Variants in SORBS2 observed in about 807,000 individuals in gnomAD.
SORBS2 encodes sorbin and SH3 domain containing 2.
A neutral mutation model predicts 97.7 loss-of-function variants in SORBS2; 46 were observed. That is an observed-to-expected ratio of 0.47 (90% CI 0.37 to 0.60). The LOEUF (loss-of-function observed/expected upper bound fraction) is 0.60. Ranked by LOEUF, SORBS2 falls within the 20% of genes least tolerant of loss-of-function variation. The pLI is 0.00. For missense variants in SORBS2, 1,316 were observed against 1,282.3 expected, an observed-to-expected ratio of 1.03 and a Z score of -0.40; for synonymous variants, 476 against 473.4, an observed-to-expected ratio of 1.01 and a Z score of -0.07.
intron 1 of SORBS2, among the ~76,000 whole-genome samples, chr4:185,878,583 G>T (rs1049189615): frequency 6.6e-6 from 1 of 152,018 alleles, no homozygotes; most frequent in Admixed American, 6.6e-5. Context: ...TAGAACGATC[G>T]CCCATCACCT....
chr4:185,867,029 T>C (rs1404660859), intron 1 of SORBS2, among the ~76,000 whole-genome samples: 1 of 152,196 alleles, frequency 6.6e-6, no homozygotes, highest in Non-Finnish European at 1.5e-5. Context: ...TTATTTATTT[T>C]GAGATGGAGT....
At chr4:185,744,536 ATCT>A (rs1202174259) in intron 2 of SORBS2, among the ~76,000 whole-genome samples, 4 of 152,242 alleles carry the variant, frequency 2.6e-5, no homozygotes, top group Non-Finnish European at 5.9e-5. Context: ...CAGATCATTA[ATCT>A]TCTTTAGCTC....
chr4:185,743,950 C>T (rs1192991015), intron 2 of SORBS2, among the ~76,000 whole-genome samples: 1 of 147,600 alleles, frequency 6.8e-6, no homozygotes. Context: ...TTCTCCTCCT[C>T]CTTCTTCTCC....
intron 1 of SORBS2, among the ~76,000 whole-genome samples, chr4:185,826,324 T>C (rs928580929): frequency 6.6e-6 from 1 of 152,206 alleles, no homozygotes; most frequent in Non-Finnish European, 1.5e-5. Flanking sequence ...GAGGTGCCTA[T>C]GCTCATCGAC....
intron 1 of SORBS2, among the ~76,000 whole-genome samples, chr4:185,784,809 T>C (rs58429949): frequency 0.039 from 5,966 of 152,320 alleles, 399 homozygotes; most frequent in African/African-American, 0.13. Context: ...CTTACAACAG[T>C]TGTGGCATTA....
At chr4:185,645,396 AT>A (rs150255496) in intron 4 of SORBS2, among the ~76,000 whole-genome samples, 186 of 150,658 alleles carry the variant, frequency 1.2e-3, no homozygotes, top group Non-Finnish European at 1.9e-3. Context: ...CAAATCAGTG[AT>A]TTTTTTTTTC....
chr4:185,616,659 G>A (rs1211745858), intron 9 of SORBS2, among the ~76,000 whole-genome samples: 1 of 152,202 alleles, frequency 6.6e-6, no homozygotes, highest in East Asian at 1.9e-4. Context: ...TTAAGACACA[G>A]GAAAGTCTTA....
At chr4:185,640,753 G>A (rs1249891505) in intron 4 of SORBS2, among the ~76,000 whole-genome samples, 1 of 152,104 alleles carries the variant, frequency 6.6e-6, no homozygotes, top group Non-Finnish European at 1.5e-5. Context: ...TGGCTTTGCT[G>A]GAGCTGGTTT....
At chr4:185,873,252 G>T (rs2099231419) in intron 1 of SORBS2, among the ~76,000 whole-genome samples, 1 of 152,128 alleles carries the variant, frequency 6.6e-6, no homozygotes, top group South Asian at 2.1e-4. Context: ...CACACCGTTT[G>T]CATCTCAGAA....
At chr4:185,926,027 G>C (rs2099263464) in intron 1 of SORBS2, among the ~76,000 whole-genome samples, 1 of 152,186 alleles carries the variant, frequency 6.6e-6, no homozygotes, top group African/African-American at 2.4e-5. Flanking sequence ...ACACAGACTC[G>C]GAGGAGCCAC....
intron 1 of SORBS2, among the ~76,000 whole-genome samples, chr4:185,824,558 T>C (rs2099198713): frequency 6.6e-6 from 1 of 152,212 alleles, no homozygotes. Context: ...AAAAAGCTGT[T>C]GTTCCCTATG....
intron 1 of SORBS2, among the ~76,000 whole-genome samples, chr4:185,873,790 T>A (rs2099231772): frequency 6.6e-6 from 1 of 152,186 alleles, no homozygotes; most frequent in Non-Finnish European, 1.5e-5. Flanking sequence ...CCAAAATATG[T>A]TAACTATTCT....
chr4:185,605,734 A>G (rs1341738651), intron 12 of SORBS2, among the ~76,000 whole-genome samples: 2 of 151,984 alleles, frequency 1.3e-5, no homozygotes, highest in African/African-American at 4.8e-5. Flanking sequence ...GTAGGCACCC[A>G]CCACCACGCC....
rs568980696 is a variant in SORBS2 at position 185,795,660 on chromosome 4, T to C, written c.-337-20294A>G. Among the ~76,000 whole-genome samples the C allele has an allele frequency of 2.4e-3, 358 of 152,340 alleles. 1 individual carries two copies. Among genetic ancestry groups the C allele is most frequent in the African/African-American group, 8.4e-3 (349 of 41,572 alleles). ...GTTAAAAATATTATAAAAGTTGGTG[T>C]CATCTGTTTCCTTTTACTTTTTAAA... On this transcript the variant is annotated intron_variant, in intron 1 of 20. Coordinates refer to the SORBS2 transcript ENST00000284776.
At chr4:185,596,818 T>C (rs914949942) in intron 12 of SORBS2, among the ~76,000 whole-genome samples, 4 of 151,976 alleles carry the variant, frequency 2.6e-5, no homozygotes, top group South Asian at 2.1e-4. Context: ...CAGGCGTGAG[T>C]CACTGCGCCC....
At chr4:185,725,425 A>G (rs2098548481) in intron 2 of SORBS2, among the ~76,000 whole-genome samples, 1 of 152,226 alleles carries the variant, frequency 6.6e-6, no homozygotes, top group Admixed American at 6.5e-5. Flanking sequence ...GGTCAAACAT[A>G]CTTGCCGTCT....
At chr4:185,702,268 C>T (rs1177213403) in intron 2 of SORBS2, among the ~76,000 whole-genome samples, 1 of 152,168 alleles carries the variant, frequency 6.6e-6, no homozygotes, top group Non-Finnish European at 1.5e-5. Flanking sequence ...CCTCATGATG[C>T]TTCCACTCCT....
chr4:185,769,369 C>A (rs2098956161), intron 2 of SORBS2, among the ~76,000 whole-genome samples: 2 of 152,194 alleles, frequency 1.3e-5, no homozygotes, highest in South Asian at 4.1e-4. Context: ...AATATCTCAG[C>A]CACCCACATG....
At chr4:185,662,021 C>A in intron 5 of SORBS2, 83 bp downstream of exon 8, 1 of 1,513,804 alleles carries the variant, frequency 6.6e-7, no homozygotes, top group South Asian at 1.2e-5. Context: ...TCCCGCCTCA[C>A]CTTGATGCCG....
Sources: allele counts gnomAD v4.1 joint callset (sites outside exome capture counted in the v4.1 genomes callset), GRCh38; gene constraint gnomAD v4.1.1; transcripts MANE v1.5; gene names NCBI Gene and HGNC (gene_info 2026-07-23, HGNC 2026-07-21).